Variants in SLC35F1 observed in about 807,000 individuals in gnomAD.
The protein encoded by SLC35F1 is chromosome 6 open reading frame 169.
Under a neutral mutation model 48.7 loss-of-function variants are expected in SLC35F1, and 14 were observed. That is an observed-to-expected ratio of 0.29 (90% CI 0.19 to 0.45). The LOEUF (loss-of-function observed/expected upper bound fraction) is 0.45, where lower values mean the gene tolerates loss of function less well. Ranked by LOEUF, SLC35F1 falls within the 20% of genes least tolerant of loss-of-function variation. SLC35F1 has a pLI of 1.00. For missense variants in SLC35F1, 404 were observed against 500.0 expected, an observed-to-expected ratio of 0.81 and a Z score of 1.83; for synonymous variants, 190 against 202.2, an observed-to-expected ratio of 0.94 and a Z score of 0.51.
intron 3 of SLC35F1, among the ~76,000 whole-genome samples, chr6:118,248,452 G>C (rs954859691): frequency 1.3e-5 from 2 of 152,198 alleles, no homozygotes; most frequent in South Asian, 4.1e-4. Context: ...AATCATAAAG[G>C]TTCTTTGAAG....
intron 1 of SLC35F1, among the ~76,000 whole-genome samples, chr6:117,940,237 A>G (rs1167736230): frequency 2.0e-5 from 3 of 152,222 alleles, no homozygotes; most frequent in Non-Finnish European, 4.4e-5. Flanking sequence ...CAAAAACAAC[A>G]AAACAAGCAC....
At chr6:117,991,930 C>T (rs1476983753) in intron 1 of SLC35F1, among the ~76,000 whole-genome samples, 1 of 151,966 alleles carries the variant, frequency 6.6e-6, no homozygotes, top group Non-Finnish European at 1.5e-5. Context: ...TTTTTATAAG[C>T]TCTATCTCTA....
At chr6:118,021,259 T>C (rs1278219919) in intron 1 of SLC35F1, among the ~76,000 whole-genome samples, 3 of 152,128 alleles carry the variant, frequency 2.0e-5, no homozygotes, top group South Asian at 2.1e-4. Context: ...GGGTCAAAGA[T>C]AACTCATAGT....
chr6:118,207,253 A>C (rs1336874466), intron 2 of SLC35F1, among the ~76,000 whole-genome samples: 2 of 152,224 alleles, frequency 1.3e-5, no homozygotes, highest in Non-Finnish European at 2.9e-5. Context: ...TAAAATTCCT[A>C]AGTTGTAGGT....
At chr6:117,976,888 G>A (rs1430675476) in intron 1 of SLC35F1, among the ~76,000 whole-genome samples, 1 of 152,120 alleles carries the variant, frequency 6.6e-6, no homozygotes, top group Non-Finnish European at 1.5e-5. Context: ...TAATCATGCT[G>A]TATATAGACA....
intron 2 of SLC35F1, among the ~76,000 whole-genome samples, chr6:118,232,326 C>T (rs1010997840): frequency 1.3e-4 from 20 of 151,880 alleles, no homozygotes; most frequent in Non-Finnish European, 4.4e-5. Context: ...ATGAGGCAGG[C>T]GGATCACAAG....
rs533559735 is a variant in SLC35F1, at chr6:117,984,225, T to G, written c.173+76326T>G. On this transcript the variant is annotated intron_variant, in intron 1 of 7. Transcript: ENST00000360388. Reference sequence around the variant, plus strand: ...GCCTGTTTTTATACAGCTTGCAAGCTAAGAATTGTTTTCACAATTTTAAAT... The same window carrying G: ...GCCTGTTTTTATACAGCTTGCAAGCGAAGAATTGTTTTCACAATTTTAAAT... Among the ~76,000 whole-genome samples the G allele has an allele frequency of 2.9e-3, 447 of 152,280 alleles. 1 individual carries two copies. The highest frequency in any genetic ancestry group is 5.5e-3 in the Non-Finnish European group (371 of 68,018).
intron 3 of SLC35F1, among the ~76,000 whole-genome samples, chr6:118,250,481 G>A (rs576635705): frequency 2.4e-4 from 37 of 152,166 alleles, no homozygotes; most frequent in Non-Finnish European, 4.9e-4. Flanking sequence ...AAATTCCTGC[G>A]CTTAAGGAAA....
intron 1 of SLC35F1, among the ~76,000 whole-genome samples, chr6:117,957,119 A>G (rs1363567431): frequency 6.6e-6 from 1 of 152,284 alleles, no homozygotes; most frequent in African/African-American, 2.4e-5. Context: ...CTGTGCATCC[A>G]GCGTGTCATC....
intron 2 of SLC35F1, among the ~76,000 whole-genome samples, chr6:118,170,326 T>C (rs1377641014): frequency 1.3e-5 from 2 of 152,246 alleles, no homozygotes; most frequent in African/African-American, 4.8e-5. Context: ...AGAATAGATA[T>C]AACATGCTAA....
intron 7 of SLC35F1, among the ~76,000 whole-genome samples, chr6:118,311,794 GA>G (rs1174043176): frequency 1.3e-5 from 2 of 150,136 alleles, no homozygotes; most frequent in Non-Finnish European, 3.0e-5. Flanking sequence ...CCTGTCTCAA[GA>G]AAAAAAAGAA....
At chr6:118,285,484 T>G in intron 7 of SLC35F1, 146 bp downstream of exon 7, 1 of 868,228 alleles carries the variant, frequency 1.2e-6, no homozygotes, top group East Asian at 2.5e-5. Context: ...ATTTAGGTAT[T>G]CACATTTCAG....
At chr6:117,999,014 C>G in intron 1 of SLC35F1, 2 of 1,424,300 alleles carry the variant, frequency 1.4e-6, no homozygotes, top group East Asian at 2.3e-5. Context: ...CAACCAGTCC[C>G]GAAAATGGCA....
chr6:118,132,667 A>G (rs994106767), intron 1 of SLC35F1, among the ~76,000 whole-genome samples: 1 of 152,224 alleles, frequency 6.6e-6, no homozygotes, highest in African/African-American at 2.4e-5. Flanking sequence ...GATTCAGTAG[A>G]GACATTTTAT....
intron 1 of SLC35F1, among the ~76,000 whole-genome samples, chr6:118,081,473 AT>A (rs200424838): frequency 4.0e-5 from 6 of 148,500 alleles, no homozygotes; most frequent in South Asian, 2.1e-4. Context: ...GCTACAAAAA[AT>A]TTTAAAAAAA....
intron 1 of SLC35F1, among the ~76,000 whole-genome samples, chr6:118,041,567 G>A (rs1196511583): frequency 1.3e-5 from 2 of 152,160 alleles, no homozygotes; most frequent in Non-Finnish European, 1.5e-5. Context: ...AAGTAAATAA[G>A]TAAGTAAACA....
At chr6:117,963,764 G>A (rs2114837132) in intron 1 of SLC35F1, among the ~76,000 whole-genome samples, 1 of 152,104 alleles carries the variant, frequency 6.6e-6, no homozygotes, top group Admixed American at 6.6e-5. Flanking sequence ...AAACATGATT[G>A]TTTTTGCTTG....
chr6:118,159,481 A>G (rs185731225), intron 2 of SLC35F1, among the ~76,000 whole-genome samples: 1 of 152,188 alleles, frequency 6.6e-6, no homozygotes, highest in Non-Finnish European at 1.5e-5. Context: ...TGACTAAGGA[A>G]TGTGACTAAG....
At chr6:117,927,786 C>T (rs1180239873) in intron 1 of SLC35F1, among the ~76,000 whole-genome samples, 1 of 152,198 alleles carries the variant, frequency 6.6e-6, no homozygotes, top group Non-Finnish European at 1.5e-5. Context: ...ATTAAAATTT[C>T]TGCCAGGGCA....
Sources: allele counts gnomAD v4.1 joint callset (sites outside exome capture counted in the v4.1 genomes callset), GRCh38; gene constraint gnomAD v4.1.1; transcripts MANE v1.5; gene names NCBI Gene and HGNC (gene_info 2026-07-23, HGNC 2026-07-21).